BCAS3: variants seen among roughly 807,000 people sequenced by gnomAD.
BCAS3 encodes the protein BCAS3 microtubule associated cell migration factor, also known as BCAS4/BCAS3 fusion.
Under a neutral mutation model 116.1 loss-of-function variants are expected in BCAS3, and 53 were observed. That is an observed-to-expected ratio of 0.46 (90% CI 0.37 to 0.57). The LOEUF (loss-of-function observed/expected upper bound fraction) is 0.57, where lower values mean the gene tolerates loss of function less well. Ranked by LOEUF, BCAS3 falls within the 20% of genes least tolerant of loss-of-function variation. BCAS3 has a pLI of 0.00. For synonymous variants in BCAS3, 391 were observed against 408.2 expected, an observed-to-expected ratio of 0.96 and a Z score of 0.51; for missense variants, 917 against 1,165.4, an observed-to-expected ratio of 0.79 and a Z score of 3.10.
At chr17:61,357,238 T>G (rs1285269368) in intron 22 of BCAS3, among the ~76,000 whole-genome samples, 2 of 145,998 alleles carry the variant, frequency 1.4e-5, no homozygotes, top group African/African-American at 2.5e-5. Flanking sequence ...AGACTCCATA[T>G]CTACAAAAAA....
At chr17:60,905,405 A>G (rs965823100) in intron 11 of BCAS3, among the ~76,000 whole-genome samples, 1 of 152,250 alleles carries the variant, frequency 6.6e-6, no homozygotes, top group African/African-American at 2.4e-5. Context: ...TAAAATTGAA[A>G]ATATATTCAT....
chr17:61,252,580 T>A (rs1282581335), intron 22 of BCAS3, among the ~76,000 whole-genome samples: 6 of 145,486 alleles, frequency 4.1e-5, no homozygotes, highest in African/African-American at 7.6e-5. Context: ...GTGAAGGACT[T>A]AAAAAAAAAA....
At chr17:61,148,635 C>T (rs188910434) in intron 22 of BCAS3, among the ~76,000 whole-genome samples, 17 of 152,278 alleles carry the variant, frequency 1.1e-4, no homozygotes, top group Admixed American at 1.0e-3. Context: ...GTGACTTTTG[C>T]ATTGTATGTT....
intron 6 of BCAS3, among the ~76,000 whole-genome samples, chr17:60,770,185 C>T (rs1475350660): frequency 4.6e-5 from 7 of 151,974 alleles, no homozygotes; most frequent in African/African-American, 1.2e-4. Flanking sequence ...TAGTCAGTTC[C>T]GTATGTTAGT....
At chr17:60,924,530 T>G (rs548804545) in intron 13 of BCAS3, 30 bp downstream of exon 13, 3 of 1,557,212 alleles carry the variant, frequency 1.9e-6, no homozygotes, top group East Asian at 2.2e-5. Flanking sequence ...TTTTTTTTTT[T>G]TTTTTTGTAG....
rs746387699 is a variant in BCAS3 at position 61,145,537 on chromosome 17, C to T, written c.2425+60973C>T. Among the ~76,000 whole-genome samples the T allele has an allele frequency of 6.6e-6, 1 of 152,066 alleles. No individual in the cohort carries two copies. The highest frequency in any genetic ancestry group is 1.5e-5 in the Non-Finnish European group (1 of 68,020). ...ACAGACTTTGGAGATGAAAAACAGA[C>T]GGAGAGAGGCATTTCCAACCATCTT... On this transcript the variant is annotated intron_variant, in intron 22 of 23. Transcript: ENST00000407086. This position sits in a 1 kb window ranked among gnomAD's most constrained non-coding sequence, Gnocchi z 5.0.
intron 7 of BCAS3, among the ~76,000 whole-genome samples, chr17:60,853,981 A>G (rs1199242524): frequency 8.6e-5 from 13 of 152,026 alleles, no homozygotes; most frequent in Admixed American, 5.9e-4. Context: ...TACACACGCC[A>G]TGTTGGTGTG....
At chr17:60,886,402 A>G (rs943838740) in intron 9 of BCAS3, 3 of 151,784 alleles carry the variant, frequency 2.0e-5, no homozygotes, top group African/African-American at 4.8e-5. Context: ...GTCCTCCCGT[A>G]GCTCAGAGTA....
chr17:60,991,198 GA>G (rs1274481204), intron 15 of BCAS3, among the ~76,000 whole-genome samples: 3 of 152,068 alleles, frequency 2.0e-5, no homozygotes, highest in Non-Finnish European at 2.9e-5. Flanking sequence ...TATGTAAATG[GA>G]ATTGTAGAGT....
intron 22 of BCAS3, among the ~76,000 whole-genome samples, chr17:61,155,813 C>T (rs1312181103): frequency 6.6e-6 from 1 of 152,152 alleles, no homozygotes; most frequent in African/African-American, 2.4e-5. Flanking sequence ...AAGAAGAATG[C>T]TTTCCTGTTC....
chr17:61,086,622 CCT>C (rs2073115015), intron 22 of BCAS3: 13 of 927,518 alleles, frequency 1.4e-5, no homozygotes, highest in Non-Finnish European at 1.7e-5. Flanking sequence ...TGGCATTGAC[CCT>C]CTCTGCCTGA....
At chr17:60,736,220 C>T (rs900228322) in intron 5 of BCAS3, among the ~76,000 whole-genome samples, 4 of 151,644 alleles carry the variant, frequency 2.6e-5, no homozygotes, top group Non-Finnish European at 4.4e-5. Flanking sequence ...TCTTATTATA[C>T]TTTGTTGGGT....
chr17:60,741,160 GTTTGTCTCTCCAAT>G (rs2041509955), intron 5 of BCAS3, among the ~76,000 whole-genome samples: 1 of 152,130 alleles, frequency 6.6e-6, no homozygotes, highest in African/African-American at 2.4e-5. Context: ...GTATCTGCCT[GTTTGTCTCTCCAAT>G]TTTTGGGGCA....
chr17:60,942,804 A>G (rs1265899972), intron 13 of BCAS3, among the ~76,000 whole-genome samples: 1 of 152,164 alleles, frequency 6.6e-6, no homozygotes, highest in African/African-American at 2.4e-5. Flanking sequence ...TGTTCAACAA[A>G]ACATTAGTTT....
At chr17:60,713,003 A>G (rs1046541482) in intron 5 of BCAS3, among the ~76,000 whole-genome samples, 16 of 152,166 alleles carry the variant, frequency 1.1e-4, no homozygotes, top group African/African-American at 3.4e-4. Context: ...TCGGTTTTCC[A>G]TCCTGTAATT....
intron 11 of BCAS3, among the ~76,000 whole-genome samples, chr17:60,905,919 C>G (rs2058164567): frequency 1.3e-5 from 2 of 152,128 alleles, no homozygotes; most frequent in African/African-American, 2.4e-5. Context: ...CCACCATAAT[C>G]TTTTATTATG....
At chr17:60,922,287 C>G (rs563656789) in intron 12 of BCAS3, among the ~76,000 whole-genome samples, 1 of 152,026 alleles carries the variant, frequency 6.6e-6, no homozygotes, top group African/African-American at 2.4e-5. Context: ...CCACCATGTC[C>G]GGCTAATTTT....
chr17:60,856,668 G>A (rs2053699330), intron 7 of BCAS3, among the ~76,000 whole-genome samples: 1 of 151,942 alleles, frequency 6.6e-6, no homozygotes, highest in Non-Finnish European at 1.5e-5. Context: ...TCCAGCCTGG[G>A]CGATACAGCC....
chr17:61,125,777 A>T (rs1296184592), intron 22 of BCAS3, among the ~76,000 whole-genome samples: 1 of 152,160 alleles, frequency 6.6e-6, no homozygotes, highest in Non-Finnish European at 1.5e-5. Flanking sequence ...GCTATGATTT[A>T]TACTGCATTC....
Sources: allele counts gnomAD v4.1 joint callset (sites outside exome capture counted in the v4.1 genomes callset), GRCh38; gene constraint gnomAD v4.1.1; non-coding constraint Gnocchi (gnomAD v3.1); transcripts MANE v1.5; gene names NCBI Gene and HGNC (gene_info 2026-07-23, HGNC 2026-07-21).